OR3A2: variants seen among roughly 807,000 people sequenced by gnomAD.
The protein encoded by OR3A2 is olfactory receptor 3A2.
For synonymous variants in OR3A2, 126 were observed against 159.3 expected, an observed-to-expected ratio of 0.79 and a Z score of 1.57; for missense variants, 318 against 392.8, an observed-to-expected ratio of 0.81 and a Z score of 1.61.
intron 2 of OR3A2, among the ~76,000 whole-genome samples, chr17:3,373,193 G>A (rs2049647808): frequency 6.6e-6 from 1 of 152,050 alleles, no homozygotes; most frequent in African/African-American, 2.4e-5. Flanking sequence ...TAAACTTATT[G>A]AGACTTGTTT....
chr17:3,373,257 A>G (rs1225363152), intron 2 of OR3A2, among the ~76,000 whole-genome samples: 1 of 152,192 alleles, frequency 6.6e-6, no homozygotes, highest in African/African-American at 2.4e-5. Flanking sequence ...TGATGAAAAG[A>G]ATGTATATTC....
At chr17:3,367,601 G>GTATATATATATATATATATATATATA (rs553464584) in intron 2 of OR3A2, among the ~76,000 whole-genome samples, 19 of 122,522 alleles carry the variant, frequency 1.6e-4, no homozygotes, top group African/African-American at 6.1e-4. Flanking sequence ...GTGTGTGTGT[G>GTATATATATATATATATATATATATA]TATATATATA....
At chr17:3,363,286 TC>T (rs1192172765) in intron 2 of OR3A2, among the ~76,000 whole-genome samples, 3 of 151,846 alleles carry the variant, frequency 2.0e-5, no homozygotes, top group Non-Finnish European at 2.9e-5. Flanking sequence ...AACAGCTAGG[TC>T]GCATCTTGAA....
At chr17:3,320,323 T>TA (rs2049110364) in intron 3 of OR3A2, among the ~76,000 whole-genome samples, 1 of 150,798 alleles carries the variant, frequency 6.6e-6, no homozygotes, top group African/African-American at 2.4e-5. Flanking sequence ...TCCCATTCCG[T>TA]AGGTTGCCTG....
chr17:3,292,337 T>A (rs111595550), intron 3 of OR3A2: 1 of 1,614,002 alleles, frequency 6.2e-7, no homozygotes, highest in South Asian at 1.1e-5. Context: ...TCAACATTGA[T>A]GGAACAGTGA....
chr17:3,347,263 C>CT (rs1737358934), intron 2 of OR3A2, among the ~76,000 whole-genome samples: 1 of 150,948 alleles, frequency 6.6e-6, no homozygotes, highest in Non-Finnish European at 1.5e-5. Flanking sequence ...CATTATTATA[C>CT]TTTAAGTTTT....
At chr17:3,286,016 T>A (rs1241281917), upstream of OR3A2, among the ~76,000 whole-genome samples, 2 of 152,178 alleles carry the variant, frequency 1.3e-5, no homozygotes, top group African/African-American at 2.4e-5. Context: ...GCTGCACCCA[T>A]CAACCTGTCT....
intron 3 of OR3A2, among the ~76,000 whole-genome samples, chr17:3,308,327 TC>T (rs1414601102): frequency 2.0e-5 from 3 of 152,110 alleles, no homozygotes; most frequent in Non-Finnish European, 4.4e-5. Context: ...AGCCATCCCC[TC>T]TGCAGAGGCT....
chr17:3,317,841 C>T (rs73979534), intron 3 of OR3A2, among the ~76,000 whole-genome samples: 2,365 of 152,130 alleles, frequency 0.016, 68 homozygotes, highest in African/African-American at 0.053. Flanking sequence ...CTACCCCTCC[C>T]GGCCAGTGCT....
rs1328633198 is a variant in OR3A2, at chr17:3,350,068, C to A, written c.-178-13942G>T. On this transcript the variant is annotated intron_variant, in intron 2 of 4. Transcript: ENST00000573491. ...GGAAATTTATAGCACTAAATGCCCA[C>A]AAGAGAAAGCAGGAAAGATCCAAAA... is the stretch of plus-strand genomic sequence containing the variant. Among the ~76,000 whole-genome samples the A allele has an allele frequency of 6.1e-5, 9 of 148,758 alleles. No homozygotes were observed. In the East Asian group the frequency reaches 1.2e-3, roughly 20 times the overall value.
intron 2 of OR3A2, among the ~76,000 whole-genome samples, chr17:3,361,265 G>T (rs1404252343): frequency 6.6e-6 from 1 of 150,864 alleles, no homozygotes; most frequent in African/African-American, 2.5e-5. Context: ...CATTGATTTT[G>T]TATCCTGAGA....
rs143827833 is a variant in OR3A2, at chr17:3,336,399, T to C, written c.-178-273A>G. 1.7e-3 allele frequency among the ~76,000 whole-genome samples: 265 copies of C among 152,292 alleles called. 1 individual carries two copies. Among genetic ancestry groups the C allele is most frequent in the African/African-American group, 5.8e-3 (240 of 41,560 alleles). On this transcript the variant is annotated intron_variant, in intron 2 of 4. Transcript: ENST00000573491. ...GCTGATGTGAATGCCAGGAAAACAA[T>C]AATTTTCATACATATTTTGACAAAA... is the stretch of plus-strand genomic sequence containing the variant.
At chr17:3,318,211 G>A (rs951382470) in intron 3 of OR3A2, among the ~76,000 whole-genome samples, 6 of 152,136 alleles carry the variant, frequency 3.9e-5, no homozygotes, top group African/African-American at 1.2e-4. Flanking sequence ...TGCAGCCTAG[G>A]TGCTGAGGGA....
At chr17:3,305,636 C>A (rs1247742391) in intron 3 of OR3A2, among the ~76,000 whole-genome samples, 1 of 152,112 alleles carries the variant, frequency 6.6e-6, no homozygotes, top group East Asian at 1.9e-4. Flanking sequence ...TGAATGTTAG[C>A]ACATGCAAAT....
At chr17:3,285,527 A>T (rs1352843838), upstream of OR3A2, among the ~76,000 whole-genome samples, 2 of 152,122 alleles carry the variant, frequency 1.3e-5, no homozygotes, top group Non-Finnish European at 2.9e-5. Flanking sequence ...GGTGACTCAA[A>T]CTTGTAATCT....
At chr17:3,337,571 A>G (rs181940826) in intron 2 of OR3A2, among the ~76,000 whole-genome samples, 66 of 152,274 alleles carry the variant, frequency 4.3e-4, no homozygotes, top group African/African-American at 1.6e-3. Context: ...GACGGTTTCC[A>G]GCTTCATCCA....
At chr17:3,385,435 T>C (rs937868465) in intron 1 of OR3A2, among the ~76,000 whole-genome samples, 3 of 152,058 alleles carry the variant, frequency 2.0e-5, no homozygotes, top group South Asian at 2.1e-4. Flanking sequence ...GACAGATGGA[T>C]AGATGATAGA....
rs1403190697 is a variant in OR3A2, at chr17:3,352,816, G to C, written c.-178-16690C>G. Among the ~76,000 whole-genome samples, 3 of 151,896 alleles carry C rather than the reference G, an allele frequency of 2.0e-5. No individual in the cohort carries two copies. The East Asian group carries it at 5.8e-4, about 29-fold the overall frequency. The stretch of plus-strand genomic sequence containing the variant: ...TTGGTATTTTGATAAGGATTGCATT[G>C]AATCTGTAGGTCACTTTGGGTAGTA... On this transcript the variant is annotated intron_variant, in intron 2 of 4. Coordinates refer to the OR3A2 transcript ENST00000573491.
chr17:3,363,477 G>A (rs1380222464), intron 2 of OR3A2, among the ~76,000 whole-genome samples: 1 of 151,632 alleles, frequency 6.6e-6, no homozygotes, highest in Non-Finnish European at 1.5e-5. Flanking sequence ...GACCACCTCA[G>A]CCTGGACTTC....
Sources: gnomAD v4.1 joint callset for allele counts (sites outside exome capture counted in the v4.1 genomes callset) on GRCh38, gnomAD v4.1.1 for gene constraint, MANE v1.5 for transcripts, NCBI Gene and HGNC (gene_info 2026-07-23, HGNC 2026-07-21) for gene names.